ROBO1: variants seen among roughly 807,000 people sequenced by gnomAD.
The protein encoded by ROBO1 is roundabout guidance receptor 1, also known as roundabout homolog 1.
In ROBO1, 149 loss-of-function variants were observed where a neutral mutation model predicts 195.9. That is an observed-to-expected ratio of 0.76 (90% confidence interval 0.67 to 0.87). ROBO1 has a LOEUF of 0.87. ROBO1 is among the 40% of genes least tolerant of loss of function. ROBO1 has a pLI of 0.00. For synonymous variants in ROBO1, 816 were observed against 733.2 expected (o/e 1.11, Z -1.82); for missense variants, 1,933 against 2,068.3 (o/e 0.93, Z 1.27).
intron 3 of ROBO1, among the ~76,000 whole-genome samples, chr3:79,064,457 T>A (rs574796892): frequency 6.6e-6 from 1 of 151,962 alleles, no homozygotes. Context: ...GTCTCTCTAA[T>A]GTTTTTCCTG....
intron 4 of ROBO1, among the ~76,000 whole-genome samples, chr3:78,765,369 A>T (rs569779879): frequency 5.5e-4 from 84 of 152,044 alleles, no homozygotes; most frequent in South Asian, 2.9e-3. Flanking sequence ...AATATTTTTT[A>T]AAAAAATATA....
intron 4 of ROBO1, among the ~76,000 whole-genome samples, chr3:78,924,609 T>G (rs1457080798): frequency 2.0e-5 from 3 of 151,978 alleles, no homozygotes; most frequent in African/African-American, 7.2e-5. Context: ...GTGTGTGTGT[T>G]TGTGTATACT....
chr3:78,877,890 G>C (rs2035947463), intron 4 of ROBO1, among the ~76,000 whole-genome samples: 1 of 152,160 alleles, frequency 6.6e-6, no homozygotes, highest in Admixed American at 6.6e-5. Flanking sequence ...GTGCCACATT[G>C]AAAGTTTTAC....
intron 2 of ROBO1, among the ~76,000 whole-genome samples, chr3:79,422,802 T>C (rs2038283629): frequency 1.3e-5 from 2 of 152,256 alleles, no homozygotes; most frequent in South Asian, 2.1e-4. Context: ...TAGTGCAATA[T>C]AAAAGTAGAA....
chr3:79,574,678 C>A (rs893853619), intron 2 of ROBO1, among the ~76,000 whole-genome samples: 10 of 151,758 alleles, frequency 6.6e-5, no homozygotes, highest in Non-Finnish European at 1.0e-4. Context: ...TTAATAATTT[C>A]TTTAGTTGAT....
chr3:79,595,977 A>T (rs1453675140), intron 1 of ROBO1, among the ~76,000 whole-genome samples: 3 of 151,992 alleles, frequency 2.0e-5, no homozygotes, highest in South Asian at 4.2e-4. Flanking sequence ...TTTTGCATGT[A>T]ACAGATGAAT....
chr3:79,641,406 T>C (rs977614726), intron 1 of ROBO1, among the ~76,000 whole-genome samples: 8 of 152,156 alleles, frequency 5.3e-5, no homozygotes, highest in Non-Finnish European at 1.0e-4. Context: ...TATTAATTTT[T>C]CTTATTTTGA....
chr3:79,139,209 A>G (rs2080473574), intron 2 of ROBO1, among the ~76,000 whole-genome samples: 1 of 151,870 alleles, frequency 6.6e-6, no homozygotes, highest in Non-Finnish European at 1.5e-5. Context: ...ACACTATTGC[A>G]ATATTAGGAA....
intron 3 of ROBO1, among the ~76,000 whole-genome samples, chr3:78,941,804 AAAAT>A (rs1350693617): frequency 6.6e-6 from 1 of 152,188 alleles, no homozygotes; most frequent in Admixed American, 6.5e-5. Context: ...AGGAATAGCT[AAAAT>A]AAATAACTTC....
intron 2 of ROBO1, among the ~76,000 whole-genome samples, chr3:79,443,455 C>T (rs2039127729): frequency 6.6e-6 from 1 of 152,092 alleles, no homozygotes; most frequent in Non-Finnish European, 1.5e-5. Flanking sequence ...TACATAAAAA[C>T]CATTATAGCT....
intron 2 of ROBO1, among the ~76,000 whole-genome samples, chr3:79,188,795 C>G (rs1157049537): frequency 6.6e-6 from 1 of 151,768 alleles, no homozygotes; most frequent in East Asian, 1.9e-4. Flanking sequence ...TAGTGGTTTA[C>G]TCACTGTCTG....
chr3:79,661,073 T>C (rs1180140894), intron 1 of ROBO1, among the ~76,000 whole-genome samples: 2 of 152,094 alleles, frequency 1.3e-5, no homozygotes, highest in Admixed American at 6.6e-5. Flanking sequence ...GGATGAACTT[T>C]GATGGACATT....
At chr3:79,110,988 A>G (rs1474901480) in intron 3 of ROBO1, among the ~76,000 whole-genome samples, 1 of 152,036 alleles carries the variant, frequency 6.6e-6, no homozygotes, top group East Asian at 1.9e-4. Context: ...GTCATAATAT[A>G]TCACTTGTGG....
chr3:79,579,048 C>T (rs1943579663), intron 2 of ROBO1, among the ~76,000 whole-genome samples: 1 of 152,124 alleles, frequency 6.6e-6, no homozygotes, highest in Admixed American at 6.6e-5. Flanking sequence ...CCTTAAAAAA[C>T]ATTTTGACTC....
chr3:79,501,250 T>G (rs1940054665), intron 2 of ROBO1, among the ~76,000 whole-genome samples: 1 of 152,224 alleles, frequency 6.6e-6, no homozygotes, highest in African/African-American at 2.4e-5. Flanking sequence ...CCTCAAAGTC[T>G]AGCCAATGTT....
At chr3:78,926,327 T>C (rs1187238424) in intron 4 of ROBO1, among the ~76,000 whole-genome samples, 1 of 152,170 alleles carries the variant, frequency 6.6e-6, no homozygotes, top group Non-Finnish European at 1.5e-5. Context: ...GATTTGTACT[T>C]GCAAAAGAGT....
chr3:79,214,204 T>C (rs963481813), intron 2 of ROBO1, among the ~76,000 whole-genome samples: 4 of 152,034 alleles, frequency 2.6e-5, no homozygotes, highest in African/African-American at 9.7e-5. Flanking sequence ...TTGATTCAGA[T>C]TTTTTCAATT....
chr3:79,061,703 T>C (rs1428464666), intron 3 of ROBO1, among the ~76,000 whole-genome samples: 2 of 152,124 alleles, frequency 1.3e-5, no homozygotes, highest in Non-Finnish European at 2.9e-5. Context: ...ACTACACATC[T>C]ACAACCATCT....
intron 3 of ROBO1, among the ~76,000 whole-genome samples, chr3:78,977,534 T>G (rs1035880734): frequency 9.9e-5 from 15 of 151,712 alleles, no homozygotes; most frequent in African/African-American, 2.9e-4. Context: ...ACAGAAATTT[T>G]TACATTTTCA....
Sources: allele counts gnomAD v4.1 joint callset (sites outside exome capture counted in the v4.1 genomes callset), GRCh38; gene constraint gnomAD v4.1.1; transcripts MANE v1.5; gene names NCBI Gene and HGNC (gene_info 2026-07-23, HGNC 2026-07-21).